The following VPS4B variants were observed in gnomAD, a reference collection of about 807,000 sequenced individuals.
VPS4B encodes the protein vacuolar protein sorting 4 homolog B, also known as vacuolar protein sorting-associated protein 4B.
A neutral mutation model predicts 56.1 loss-of-function variants in VPS4B; 23 were observed. The ratio of observed to expected loss-of-function variants is 0.41; its 90% CI spans 0.30 to 0.58. VPS4B has a LOEUF of 0.58. Among genes scored for constraint, VPS4B ranks in the 20% least tolerant of loss-of-function variants. VPS4B has a pLI of 0.29. For synonymous variants in VPS4B, 177 were observed against 186.0 expected (o/e 0.95, Z 0.39); for missense variants, 372 against 531.9 (o/e 0.70, Z 2.96).
rs773809334 is a variant in VPS4B at position 63,397,070 on chromosome 18, A to G, written c.1056T>C (p.Pro352=). ...SIIVRDALMQ[P]VRKVQSATHF... The stretch of plus-strand genomic sequence containing the variant: ...GAGTAGCTGACTGTACTTTCCTAAC[A>G]GGCTGCATAAGGGCATCACGTACAA... Residue 352 remains proline, a synonymous_variant, in exon 9 of 11, where the codon CCT becomes CCC. Transcript: ENST00000238497. The G allele has an allele frequency of 6.2e-6, 10 of 1,614,100 alleles. No individual in the cohort carries two copies. In the East Asian group the frequency reaches 2.2e-4, roughly 36 times the overall value.
chr18:63,395,752 G>A (rs755331672), intron 9 of VPS4B, among the ~76,000 whole-genome samples: 18 of 152,166 alleles, frequency 1.2e-4, no homozygotes, highest in Non-Finnish European at 2.5e-4. Flanking sequence ...ACTCAAACTG[G>A]GTATCTCAAG....
intron 1 of VPS4B, chr18:63,415,472 A>T (rs56111802): frequency 0.045 from 13,684 of 303,778 alleles, 454 homozygotes; most frequent in Non-Finnish European, 0.064. Context: ...TCAGCCCCTG[A>T]TGCTCCTGGC....
intron 1 of VPS4B, among the ~76,000 whole-genome samples, chr18:63,412,996 A>C (rs1426583636): frequency 2.6e-5 from 4 of 152,236 alleles, no homozygotes. Context: ...CAATCTATAG[A>C]CTGGGAGAAA....
chr18:63,406,722 A>G (rs1236120285), intron 4 of VPS4B, among the ~76,000 whole-genome samples: 1 of 152,228 alleles, frequency 6.6e-6, no homozygotes, highest in Middle Eastern at 3.2e-3. Flanking sequence ...CACTGTCATT[A>G]ATCTTAAAAG....
chr18:63,421,037 CAAAAA>C (rs36083080), intron 1 of VPS4B, among the ~76,000 whole-genome samples: 1 of 52,028 alleles, frequency 1.9e-5, no homozygotes, highest in Admixed American at 2.1e-4. Context: ...GACTCCGTCT[CAAAAA>C]AAAAAAAAAA....
At chr18:63,405,336 G>C (rs1033984285) in intron 4 of VPS4B, among the ~76,000 whole-genome samples, 3 of 151,758 alleles carry the variant, frequency 2.0e-5, no homozygotes, top group Non-Finnish European at 2.9e-5. Flanking sequence ...ATCACAAACC[G>C]ATTTTTAATT....
intron 1 of VPS4B, among the ~76,000 whole-genome samples, chr18:63,420,682 C>A (rs1916277277): frequency 6.6e-6 from 1 of 152,110 alleles, no homozygotes; most frequent in Middle Eastern, 3.2e-3. Flanking sequence ...CCAAATAGGA[C>A]TACAAAAAGC....
chr18:63,401,568 C>A (rs1915810048), intron 5 of VPS4B, among the ~76,000 whole-genome samples: 1 of 152,194 alleles, frequency 6.6e-6, no homozygotes, highest in Admixed American at 6.5e-5. Flanking sequence ...TACTTTAAAT[C>A]CTAGTTTTGC....
intron 1 of VPS4B, among the ~76,000 whole-genome samples, chr18:63,418,415 A>AT (rs879324994): frequency 0.02 from 2,905 of 144,484 alleles, 74 homozygotes; most frequent in African/African-American, 0.065. Flanking sequence ...TAGTTTTAGT[A>AT]TTTTTTTTTT....
intron 5 of VPS4B, among the ~76,000 whole-genome samples, chr18:63,401,442 C>T (rs1030692020): frequency 2.0e-5 from 3 of 151,958 alleles, no homozygotes; most frequent in South Asian, 2.1e-4. Flanking sequence ...TTAGTAGAGA[C>T]GGGGTTTTAC....
chr18:63,390,989 C>A lies in VPS4B; in HGVS notation c.1321G>T (p.Gly441Cys). Residue 441 changes from glycine (G) to cysteine (C), a missense_variant, in exon 11 of 11, where the codon GGT (glycine) becomes TGT (cysteine). By Grantham distance (159) the Gly-to-Cys change is radical. This residue lies in a region of VPS4B where 153 missense variants were observed against 190.9 expected (regional missense o/e 0.80). Coordinates refer to ENST00000238497, the MANE Select transcript of VPS4B (RefSeq NM_004869.4). Reference protein sequence around the residue: ...LKLKKFTEDFGQEG With the variant: ...LKLKKFTEDFCQEG Reference sequence around the variant, plus strand: ...TTGTCTTTGGCTTAGCCTTCTTGACCAAAATCTTCTGTAAACTTCTTTAAT... The same window carrying A: ...TTGTCTTTGGCTTAGCCTTCTTGACAAAAATCTTCTGTAAACTTCTTTAAT... 6.2e-7 allele frequency: 1 copy of A among 1,611,888 alleles called. No individual in the cohort carries two copies. Among genetic ancestry groups the A allele is most frequent in the South Asian group, 1.1e-5 (1 of 90,932 alleles).
In VPS4B at chr18:63,389,585, A is replaced by G. The variant is rs975234913; in HGVS notation, c.*1390T>C. 7 of 150,344 alleles carry G rather than the reference A, an allele frequency of 4.7e-5. No homozygotes were observed. The highest frequency in any genetic ancestry group is 1.7e-4 in the African/African-American group (7 of 40,238). The allele number at this position is 150,344 out of a possible 1,614,324, so 9.3% of individuals were successfully genotyped here. On this transcript the variant is annotated 3_prime_UTR_variant, in exon 11 of 11. Transcript: ENST00000238497. ...ATGCTAAAGTATGAAACACATCCTC[A>G]GATTATTTATTTGAAAATATTAAAA... is the stretch of plus-strand genomic sequence containing the variant.
chr18:63,417,782 C>G (rs1186371120), intron 1 of VPS4B, among the ~76,000 whole-genome samples: 1 of 152,134 alleles, frequency 6.6e-6, no homozygotes, highest in African/African-American at 2.4e-5. Flanking sequence ...AGCACAGTGG[C>G]TGACACAAGA....
In VPS4B at chr18:63,391,116, AGAGTT is replaced by A. The variant is rs752288961; in HGVS notation, c.1234-45_1234-41del. The A allele has an allele frequency of 2.8e-5, 37 of 1,330,280 alleles. No homozygotes were observed. In the Admixed American group the frequency reaches 6.8e-4, roughly 24 times the overall value. The allele number at this position is 1,330,280 out of a possible 1,614,324, so 82.4% of individuals were successfully genotyped here. On this transcript the variant is annotated intron_variant, in intron 10 of 10. Coordinates refer to ENST00000238497, the MANE Select transcript of VPS4B (RefSeq NM_004869.4). ...GAAGGGTAGGGAGGATATTAATAATAGAGTTAACAAAATAAAAAACCGTCATATTA... is the reference window on the plus strand; with the variant it reads ...GAAGGGTAGGGAGGATATTAATAATAAACAAAATAAAAAACCGTCATATTA...
chr18:63,413,841 G>A (rs993239610), intron 1 of VPS4B, among the ~76,000 whole-genome samples: 1 of 152,182 alleles, frequency 6.6e-6, no homozygotes, highest in African/African-American at 2.4e-5. Flanking sequence ...CAGGTCTCCC[G>A]CTGGAAGACC....
At chr18:63,413,836 C>A (rs557317219) in intron 1 of VPS4B, among the ~76,000 whole-genome samples, 231 of 152,304 alleles carry the variant, frequency 1.5e-3, no homozygotes, top group Non-Finnish European at 1.8e-3. Flanking sequence ...AGGAACAGGT[C>A]TCCCGCTGGA....
chr18:63,419,587 TA>T lies in VPS4B; in HGVS notation c.27+2645del, dbSNP rs1916249270. ...TTGCCCAGTACATTTTATTACAATATACTGTAATAAAAGTGATGTGAATGTG... is the reference window on the plus strand; with the variant it reads ...TTGCCCAGTACATTTTATTACAATATCTGTAATAAAAGTGATGTGAATGTG... On this transcript the variant is annotated intron_variant, in intron 1 of 10. Coordinates refer to ENST00000238497, the MANE Select transcript of VPS4B (RefSeq NM_004869.4). Among the ~76,000 whole-genome samples the T allele has an allele frequency of 2.6e-5, 4 of 151,252 alleles. No homozygotes were observed. The South Asian group carries it at 8.6e-4, about 32-fold the overall frequency.
intron 10 of VPS4B, among the ~76,000 whole-genome samples, chr18:63,393,092 T>C (rs1915590422): frequency 6.6e-6 from 1 of 152,218 alleles, no homozygotes; most frequent in Non-Finnish European, 1.5e-5. Context: ...CCCTATTTTT[T>C]AGTTAGGTCT....
rs550769450 is a variant in VPS4B, at chr18:63,389,857, C to A, written c.*1118G>T. 1.6e-4 allele frequency: 25 copies of A among 152,704 alleles called. No homozygotes were observed. Among genetic ancestry groups the A allele is most frequent in the African/African-American group, 5.8e-4 (24 of 41,560 alleles). 9.5% of individuals were successfully genotyped at this position (152,704 alleles called of 1,614,324 possible). On this transcript the variant is annotated 3_prime_UTR_variant, in exon 11 of 11. Transcript: ENST00000238497. ...GACCATTTCCTTATTAGCAAAGGTG[C>A]GCATTACAGTATTTCATGACAGTTA...
Sources: gnomAD v4.1 joint callset for allele counts (sites outside exome capture counted in the v4.1 genomes callset) on GRCh38, gnomAD v4.1.1 for gene constraint, gnomAD v4.1.1 regional missense constraint, MANE v1.5 for transcripts, NCBI Gene and HGNC (gene_info 2026-07-23, HGNC 2026-07-21) for gene names.